MFN1: variants seen among roughly 807,000 people sequenced by gnomAD.
MFN1 encodes the protein mitofusin 1, also known as mitofusin-1.
In MFN1, 65 loss-of-function variants were observed where a neutral mutation model predicts 92.4. That is an observed-to-expected ratio of 0.70 (90% CI 0.58 to 0.86). The LOEUF (loss-of-function observed/expected upper bound fraction) is 0.86, where lower values mean the gene tolerates loss of function less well. MFN1 is among the 40% of genes least tolerant of loss of function. The pLI, the probability that MFN1 is intolerant of heterozygous loss-of-function variation, is 0.00. For synonymous variants in MFN1, 297 were observed against 300.9 expected (o/e 0.99, Z 0.13); for missense variants, 781 against 868.0 (o/e 0.90, Z 1.26).
chr3:179,352,142 T>C (rs1281969919), intron 3 of MFN1, 107 bp downstream of exon 3: 7 of 1,207,642 alleles, frequency 5.8e-6, no homozygotes, highest in Non-Finnish European at 6.9e-6. Flanking sequence ...CGCAAGTTTC[T>C]GCCTGTGTTG....
intron 3 of MFN1, among the ~76,000 whole-genome samples, chr3:179,354,586 G>A (rs1712277304): frequency 1.3e-5 from 2 of 152,136 alleles, no homozygotes; most frequent in Admixed American, 6.5e-5. Context: ...AAGGAATTCC[G>A]GATGGGTCCA....
At chr3:179,365,054 A>T (rs1335318640) in intron 6 of MFN1, 64 bp from the exon 7 acceptor site, 12 of 942,192 alleles carry the variant, frequency 1.3e-5, no homozygotes, top group Non-Finnish European at 1.5e-5. Flanking sequence ...TCTCATTAAA[A>T]TAAAATTTCA....
At chr3:179,362,939 A>C (rs1712641385) in intron 5 of MFN1, among the ~76,000 whole-genome samples, 1 of 152,210 alleles carries the variant, frequency 6.6e-6, no homozygotes, top group African/African-American at 2.4e-5. Flanking sequence ...TCATGACACC[A>C]AGATATTTGG....
Position 179,367,145 on chromosome 3 carries a change from C to T in MFN1, c.754-294C>T, listed in dbSNP as rs111433506. Among the ~76,000 whole-genome samples, 371 of 152,348 alleles carry T rather than the reference C, an allele frequency of 2.4e-3. 3 individuals carry two copies. The highest frequency in any genetic ancestry group is 8.1e-3 in the African/African-American group (338 of 41,580). ...GTTTCACCATGTTGTCCAGGCTGTT[C>T]TCAAACTCCTGACCTCGTGATCTGC... On this transcript the variant is annotated intron_variant, in intron 7 of 17. Coordinates refer to ENST00000471841, the MANE Select transcript of MFN1 (RefSeq NM_033540.3).
At chr3:179,390,714 C>A (rs1246657078) in intron 17 of MFN1, among the ~76,000 whole-genome samples, 1 of 152,160 alleles carries the variant, frequency 6.6e-6, no homozygotes, top group East Asian at 1.9e-4. Flanking sequence ...TTTCAGCTTT[C>A]TTACTTTTGC....
chr3:179,355,152 C>T (rs1712299817), intron 3 of MFN1, among the ~76,000 whole-genome samples: 1 of 152,082 alleles, frequency 6.6e-6, no homozygotes, highest in African/African-American at 2.4e-5. Context: ...GCCATGGCAT[C>T]TAAACTGTAT....
chr3:179,351,062 C>G (rs1272591587), intron 2 of MFN1, among the ~76,000 whole-genome samples: 1 of 152,112 alleles, frequency 6.6e-6, no homozygotes, highest in African/African-American at 2.4e-5. Context: ...ACTTCGGCCT[C>G]CCAAAGTGCT....
intron 10 of MFN1, among the ~76,000 whole-genome samples, chr3:179,376,506 G>C (rs1431442970): frequency 6.6e-6 from 1 of 152,024 alleles, no homozygotes; most frequent in African/African-American, 2.4e-5. Context: ...TTATTTTCCT[G>C]TATCAGCCAG....
intron 14 of MFN1, among the ~76,000 whole-genome samples, chr3:179,380,273 C>T (rs919357525): frequency 5.9e-5 from 9 of 152,116 alleles, no homozygotes; most frequent in African/African-American, 1.9e-4. Flanking sequence ...CCATTATTGA[C>T]CCAGAAAGAC....
At chr3:179,388,081 G>T (rs565300701) in intron 16 of MFN1, among the ~76,000 whole-genome samples, 2 of 151,228 alleles carry the variant, frequency 1.3e-5, no homozygotes, top group South Asian at 4.2e-4. Context: ...TAGAGCCAAG[G>T]TTTCACCATG....
intron 2 of MFN1, among the ~76,000 whole-genome samples, chr3:179,351,278 C>G (rs1004553893): frequency 5.9e-5 from 9 of 152,196 alleles, no homozygotes; most frequent in African/African-American, 2.2e-4. Context: ...CGGTTAAACC[C>G]TAAACCTGAT....
intron 3 of MFN1, among the ~76,000 whole-genome samples, chr3:179,352,346 T>C (rs1246888677): frequency 6.6e-6 from 1 of 152,274 alleles, no homozygotes; most frequent in Non-Finnish European, 1.5e-5. Flanking sequence ...TTAAGTTTAC[T>C]TGATTATGTG....
intron 3 of MFN1, among the ~76,000 whole-genome samples, chr3:179,354,666 C>T (rs1185526810): frequency 2.6e-5 from 4 of 152,112 alleles, no homozygotes; most frequent in African/African-American, 4.8e-5. Flanking sequence ...AGATCAGTCC[C>T]GAGAACTGCT....
intron 16 of MFN1, among the ~76,000 whole-genome samples, chr3:179,387,879 C>G (rs1291438374): frequency 1.3e-5 from 2 of 151,722 alleles, no homozygotes; most frequent in South Asian, 2.1e-4. Flanking sequence ...CAGGTGCATG[C>G]CACTACACCT....
At chr3:179,391,585 AAT>A (rs1364181448) in intron 17 of MFN1, among the ~76,000 whole-genome samples, 1 of 152,186 alleles carries the variant, frequency 6.6e-6, no homozygotes, top group African/African-American at 2.4e-5. Context: ...CCACTCAATG[AAT>A]ATGTGCCCTG....
At chr3:179,355,054 C>T (rs1047206207) in intron 3 of MFN1, among the ~76,000 whole-genome samples, 1 of 152,164 alleles carries the variant, frequency 6.6e-6, no homozygotes, top group Non-Finnish European at 1.5e-5. Flanking sequence ...ACCTCGGCCT[C>T]CCAAAGTGCT....
intron 1 of MFN1, 37 bp from the exon 2 acceptor site, chr3:179,348,808 C>A: frequency 1.3e-6 from 2 of 1,599,560 alleles, no homozygotes; most frequent in Non-Finnish European, 1.7e-6. Context: ...CTATCATCCA[C>A]TTTAGTTGGT....
intron 3 of MFN1, among the ~76,000 whole-genome samples, chr3:179,357,573 CAT>C (rs1490990297): frequency 2.0e-5 from 3 of 152,248 alleles, no homozygotes; most frequent in East Asian, 1.9e-4. Flanking sequence ...AGAGGTAAAA[CAT>C]ATGCCGAAAA....
Position 179,378,741 on chromosome 3 carries a change from C to T in MFN1, c.1589C>T (p.Ser530Phe), listed in dbSNP as rs1392483358. 6.2e-7 allele frequency: 1 copy of T among 1,614,066 alleles called. No individual in the cohort carries two copies. The highest frequency in any genetic ancestry group is 1.7e-5 in the Admixed American group (1 of 60,020). Residue 530 changes from serine (S) to phenylalanine (F), a missense_variant, in exon 14 of 18, where the codon TCC (serine) becomes TTC (phenylalanine). Physicochemically the swap from Ser to Phe is radical, Grantham distance 155. Coordinates refer to ENST00000471841, the MANE Select transcript of MFN1 (RefSeq NM_033540.3). ...TTTCGTTTTTCCCTGGGCTGGTCTT[C>T]CCTTGTACATCGATTTTTGGGCCCT... ...IVFRFSLGWS[S>F]LVHRFLGPRN...
Sources: allele counts gnomAD v4.1 joint callset (sites outside exome capture counted in the v4.1 genomes callset), GRCh38; gene constraint gnomAD v4.1.1; transcripts MANE v1.5; gene names NCBI Gene and HGNC (gene_info 2026-07-23, HGNC 2026-07-21).